The following SMARCD1 variants were observed in gnomAD, a reference collection of about 807,000 sequenced individuals.
The protein encoded by SMARCD1 is SWI/SNF related BAF chromatin remodeling complex subunit D1, also known as SWI/SNF-related matrix-associated actin-dependent regulator of chromatin subfamily D member 1.
A neutral mutation model predicts 70.8 loss-of-function variants in SMARCD1; 16 were observed. The ratio of observed to expected loss-of-function variants is 0.23; its 90% CI spans 0.15 to 0.34. The LOEUF (loss-of-function observed/expected upper bound fraction) is 0.34, where lower values mean the gene tolerates loss of function less well. SMARCD1 is among the 10% of genes least tolerant of loss of function. SMARCD1 has a pLI of 1.00. For missense variants in SMARCD1, 409 were observed against 655.5 expected (o/e 0.62, Z 4.11); for synonymous variants, 249 against 246.0 (o/e 1.01, Z -0.11).
intron 10 of SMARCD1, among the ~76,000 whole-genome samples, chr12:50,095,851 T>C (rs1179620484): frequency 6.6e-6 from 1 of 152,102 alleles, no homozygotes; most frequent in East Asian, 1.9e-4. Flanking sequence ...GAAAGCTAGA[T>C]AGGGAGCCAG....
Position 50,094,584 on chromosome 12 carries a change from TG to T in SMARCD1, c.1269+13del. ...CTCTAGACAACAAGGTAGGGGTCTG[TG>T]CCCTGGATAGTTGGGTACCACCAGC... On this transcript the variant is annotated intron_variant, in intron 10 of 12. Coordinates refer to ENST00000394963, the MANE Select transcript of SMARCD1 (RefSeq NM_003076.5). The T allele has an allele frequency of 6.2e-7, 1 of 1,612,670 alleles. No homozygotes were observed. The highest frequency in any genetic ancestry group is 8.5e-7 in the Non-Finnish European group (1 of 1,179,526).
chr12:50,086,738 A>T lies in SMARCD1; in HGVS notation c.409-18A>T. The T allele has an allele frequency of 6.2e-7, 1 of 1,614,058 alleles. No individual in the cohort carries two copies. The highest frequency in any genetic ancestry group is 8.5e-7 in the Non-Finnish European group (1 of 1,179,960). On this transcript the variant is annotated intron_variant, in intron 3 of 12. Transcript: ENST00000394963. Reference sequence around the variant, plus strand: ...GAGATGATCATCCTAGATTTCAATTAATTTTTCTGTTCCTAAGATTCGTGA... The same window carrying T: ...GAGATGATCATCCTAGATTTCAATTTATTTTTCTGTTCCTAAGATTCGTGA...
In SMARCD1 at chr12:50,100,215, A is replaced by G. The variant is rs1950927806; in HGVS notation, c.*1215A>G. ...TATCACCCCCGAGTTAGCATATCCC[A>G]GGCTCGCAGACTCAACACAGCAAGG... is the stretch of plus-strand genomic sequence containing the variant. On this transcript the variant is annotated 3_prime_UTR_variant, in exon 13 of 13. Transcript: ENST00000394963. 6.6e-6 allele frequency: 1 copy of G among 152,642 alleles called. No individual in the cohort carries two copies. The highest frequency in any genetic ancestry group is 2.4e-5 in the African/African-American group (1 of 41,430). The allele number at this position is 152,642 out of a possible 1,614,324, so 9.5% of individuals were successfully genotyped here. A position where few individuals can be genotyped will look rare whatever the true frequency, so the allele number is the denominator to read the frequency against.
intron 10 of SMARCD1, among the ~76,000 whole-genome samples, chr12:50,095,189 A>G (rs965826805): frequency 7.2e-5 from 11 of 152,242 alleles, no homozygotes; most frequent in Middle Eastern, 3.2e-3. Context: ...AAAAACAACA[A>G]ATGGTAACTT....
intron 9 of SMARCD1, among the ~76,000 whole-genome samples, chr12:50,092,779 G>A (rs908216224): frequency 6.6e-6 from 1 of 152,142 alleles, no homozygotes; most frequent in African/African-American, 2.4e-5. Flanking sequence ...GCACATTCCT[G>A]TAGACCCAGC....
intron 10 of SMARCD1, 132 bp downstream of exon 10, chr12:50,094,704 G>C (rs1471447414): frequency 3.6e-5 from 29 of 810,048 alleles, no homozygotes; most frequent in Non-Finnish European, 3.9e-6. Flanking sequence ...CTTGGTGCTG[G>C]TTTGAGCCAG....
chr12:50,089,800 A>C, intron 6 of SMARCD1, 84 bp from the exon 7 acceptor site: 1 of 963,680 alleles, frequency 1.0e-6, no homozygotes, highest in Non-Finnish European at 1.6e-6. Context: ...ATCAAAGTTG[A>C]ATATTCAGTC....
intron 1 of SMARCD1, 114 bp from the exon 2 acceptor site, chr12:50,086,047 A>C (rs1250613663): frequency 1.3e-6 from 1 of 768,852 alleles, no homozygotes; most frequent in Non-Finnish European, 2.0e-6. Flanking sequence ...ATTGTCCTCC[A>C]TTCCATCCCT....
At chr12:50,087,236 C>T in intron 4 of SMARCD1, 127 bp from the exon 5 acceptor site, 4 of 1,130,796 alleles carry the variant, frequency 3.5e-6, no homozygotes, top group Non-Finnish European at 5.1e-6. Flanking sequence ...TCTTCATCCA[C>T]CCACCCAAGG....
chr12:50,094,067 A>T (rs752715937), intron 9 of SMARCD1, among the ~76,000 whole-genome samples: 3 of 152,134 alleles, frequency 2.0e-5, no homozygotes, highest in Non-Finnish European at 4.4e-5. Context: ...TATTTTTTTT[A>T]AAGGGAGAAA....
At chr12:50,098,515 G>T (rs1950912055) in intron 11 of SMARCD1, 199 bp from the exon 12 acceptor site, 6 of 588,440 alleles carry the variant, frequency 1.0e-5, no homozygotes, top group Non-Finnish European at 1.5e-5. Flanking sequence ...CATATTAGGG[G>T]GTACTCTAAT....
chr12:50,094,876 C>T (rs1950878972), intron 10 of SMARCD1, among the ~76,000 whole-genome samples: 1 of 152,196 alleles, frequency 6.6e-6, no homozygotes, highest in Non-Finnish European at 1.5e-5. Flanking sequence ...CGCCTCACGG[C>T]AACCTCCACT....
Position 50,085,381 on chromosome 12 carries a change from G to C in SMARCD1, c.12G>C (p.Arg4=). Residue 4 remains arginine (R), a synonymous_variant, in exon 1 of 13, where the codon CGG becomes CGC. Transcript: ENST00000394963. MAA[R]AGFQSVAPSG... is the part of the protein sequence containing the mutation. ...GCGGCTCCGGGAAGATGGCGGCCCG[G>C]GCGGGTTTCCAGTCTGTGGCTCCAA... is the stretch of plus-strand genomic sequence containing the variant. 1 of 1,264,804 alleles carries C rather than the reference G, an allele frequency of 7.9e-7. No individual in the cohort carries two copies. Among genetic ancestry groups the C allele is most frequent in the Non-Finnish European group, 9.9e-7 (1 of 1,007,306 alleles). The allele number at this position is 1,264,804 out of a possible 1,614,324, so 78.3% of individuals were successfully genotyped here.
At chr12:50,085,942 A>G (rs1950784541) in intron 1 of SMARCD1, 1 of 413,490 alleles carries the variant, frequency 2.4e-6, no homozygotes, top group Admixed American at 4.0e-5. Flanking sequence ...TCCCATCCAA[A>G]ATAGACTGAG....
intron 11 of SMARCD1, among the ~76,000 whole-genome samples, chr12:50,097,752 G>A (rs941705545): frequency 2.0e-5 from 3 of 151,794 alleles, no homozygotes; most frequent in Non-Finnish European, 4.4e-5. Flanking sequence ...TCAGCCAGGC[G>A]TGGTGGCGGG....
Position 50,094,473 on chromosome 12 carries a change from T to C in SMARCD1, c.1170T>C (p.Tyr390=), listed in dbSNP as rs1950874248. The change falls in exon 10 of 13, where the codon TAT becomes TAC. Residue 390 remains tyrosine, a synonymous_variant. Coordinates refer to ENST00000394963, the MANE Select transcript of SMARCD1 (RefSeq NM_003076.5). The part of the protein sequence containing the change: ...DPNDQKKTAC[Y]DIDVEVDDTL... ...ATGATCAGAAAAAGACAGCTTGTTA[T>C]GACATTGATGTTGAAGTGGATGACA... 3 of 1,614,018 alleles carry C rather than the reference T, an allele frequency of 1.9e-6. No homozygotes were observed. Among genetic ancestry groups the C allele is most frequent in the African/African-American group, 1.3e-5 (1 of 74,926 alleles).
chr12:50,088,088 A>G (rs1159286971), intron 5 of SMARCD1: 2 of 502,018 alleles, frequency 4.0e-6, no homozygotes, highest in African/African-American at 4.0e-5. Context: ...ACCAGGGCTC[A>G]GTGTCAGAGC....
intron 2 of SMARCD1, 46 bp downstream of exon 2, chr12:50,086,394 G>A (rs761473668): frequency 3.5e-6 from 5 of 1,427,140 alleles, no homozygotes; most frequent in Non-Finnish European, 4.8e-6. Context: ...GAGCCTGGGA[G>A]GACACAGGTG....
At position 50,085,478 on chromosome 12, in the gene SMARCD1, C is replaced by T. The variant is rs1013610690; in HGVS notation, c.109C>T (p.Pro37Ser). The change falls in exon 1 of 13, where the codon CCT (proline) becomes TCT (serine). Residue 37 changes from proline (P) to serine (S), a missense_variant. Around this residue, in one of 2 missense-constraint regions of SMARCD1, gnomAD observed 140 missense variants for 156.9 expected, o/e 0.89. Coordinates refer to ENST00000394963, the MANE Select transcript of SMARCD1 (RefSeq NM_003076.5). The part of the protein sequence containing the change: ...ALGPGGTPGP[P>S]VRMGPAPGQG... The stretch of plus-strand genomic sequence containing the variant: ...GGGCCCGGGCGGAACTCCGGGGCCT[C>T]CTGTGCGAATGGGCCCGGCTCCGGG... 3 of 1,239,634 alleles carry T rather than the reference C, an allele frequency of 2.4e-6. No homozygotes were observed. The highest frequency in any genetic ancestry group is 3.1e-5 in the East Asian group (1 of 31,996). The allele number at this position is 1,239,634 out of a possible 1,614,324, so 76.8% of individuals were successfully genotyped here.
Sources: allele counts gnomAD v4.1 joint callset (sites outside exome capture counted in the v4.1 genomes callset), GRCh38; gene constraint gnomAD v4.1.1; regional missense constraint gnomAD v4.1.1; transcripts MANE v1.5; gene names NCBI Gene and HGNC (gene_info 2026-07-23, HGNC 2026-07-21).